Variants in LSM14A observed in about 807,000 individuals in gnomAD.
LSM14A encodes protein LSM14 homolog A.
A neutral mutation model predicts 52.4 loss-of-function variants in LSM14A; 14 were observed. That is an observed-to-expected ratio of 0.27 (90% CI 0.18 to 0.42). The LOEUF (loss-of-function observed/expected upper bound fraction) is 0.42, where lower values mean the gene tolerates loss of function less well. LSM14A is among the 10% of genes least tolerant of loss of function. The pLI, the probability that LSM14A is intolerant of heterozygous loss-of-function variation, is 1.00. For missense variants in LSM14A, 417 were observed against 581.8 expected, an observed-to-expected ratio of 0.72 and a Z score of 2.91; for synonymous variants, 185 against 200.3, an observed-to-expected ratio of 0.92 and a Z score of 0.64.
intron 1 of LSM14A, among the ~76,000 whole-genome samples, chr19:34,188,879 T>C (rs1265816933): frequency 2.6e-5 from 4 of 151,682 alleles, no homozygotes; most frequent in Admixed American, 2.6e-4. Context: ...ATTTGTCTTT[T>C]GTTGATGGGC....
chr19:34,223,897 T>A (rs2073198510), intron 9 of LSM14A, among the ~76,000 whole-genome samples: 1 of 152,206 alleles, frequency 6.6e-6, no homozygotes, highest in African/African-American at 2.4e-5. Flanking sequence ...CTTTTAAAGA[T>A]CATTAAACTT....
chr19:34,202,340 A>T (rs2071359307), intron 3 of LSM14A, among the ~76,000 whole-genome samples: 1 of 151,496 alleles, frequency 6.6e-6, no homozygotes, highest in African/African-American at 2.4e-5. Context: ...CAAAAAAAAA[A>T]AAATTAGGCA....
chr19:34,195,951 A>T (rs1214695997), intron 2 of LSM14A, among the ~76,000 whole-genome samples: 1 of 152,234 alleles, frequency 6.6e-6, no homozygotes, highest in African/African-American at 2.4e-5. Flanking sequence ...CATGTGCTTA[A>T]CACTAGTGGT....
rs1285350630 is a variant in LSM14A, at chr19:34,172,596, T to C, written c.-47T>C. On this transcript the variant is annotated 5_prime_UTR_variant, in exon 1 of 10. Coordinates refer to ENST00000544216, the MANE Select transcript of LSM14A (RefSeq NM_015578.4). ...GCGTGCGGAGCGGGCGACAGTGGCG[T>C]GGGATCTGCCTCTCTGCGAGCAGCT... 1 of 1,513,928 alleles carries C rather than the reference T, an allele frequency of 6.6e-7. No homozygotes were observed. Among genetic ancestry groups the C allele is most frequent in the Non-Finnish European group, 8.8e-7 (1 of 1,132,638 alleles). The allele number at this position is 1,513,928 out of a possible 1,614,324, so 93.8% of individuals were successfully genotyped here.
At chr19:34,215,552 T>C in intron 5 of LSM14A, 44 bp from the exon 6 acceptor site, 1 of 1,474,154 alleles carries the variant, frequency 6.8e-7, no homozygotes, top group Non-Finnish European at 9.5e-7. Flanking sequence ...TTTTTGATGA[T>C]GTACCCTGAG....
rs779077387 is a variant in LSM14A, at chr19:34,219,808, C to T, written c.1067C>T (p.Pro356Leu). 2 of 1,613,478 alleles carry T rather than the reference C, an allele frequency of 1.2e-6. No homozygotes were observed. Among genetic ancestry groups the T allele is most frequent in the South Asian group, 1.1e-5 (1 of 91,074 alleles). Reference sequence around the variant, plus strand: ...GAAGGAAATGCCGATGAAGAAGATCCACTTGGACCTAATTGCTATTATGAC... The same window carrying T: ...GAAGGAAATGCCGATGAAGAAGATCTACTTGGACCTAATTGCTATTATGAC... ...NSEGNADEED[P>L]LGPNCYYDKT... The change falls in exon 8 of 10, where the codon CCA (proline) becomes CTA (leucine). Residue 356 changes from proline to leucine, a missense_variant. Around this residue, in one of 2 missense-constraint regions of LSM14A, gnomAD observed 357 missense variants for 457.0 expected, o/e 0.78. Coordinates refer to ENST00000544216, the MANE Select transcript of LSM14A (RefSeq NM_015578.4).
intron 3 of LSM14A, among the ~76,000 whole-genome samples, chr19:34,207,269 AAC>A (rs1199397868): frequency 1.9e-4 from 29 of 152,198 alleles, no homozygotes; most frequent in African/African-American, 5.8e-4. Flanking sequence ...CAGGTGAGGA[AAC>A]ACAGAGCAGC....
intron 1 of LSM14A, among the ~76,000 whole-genome samples, chr19:34,173,369 T>A (rs1386286541): frequency 6.6e-6 from 1 of 152,188 alleles, no homozygotes; most frequent in East Asian, 1.9e-4. Flanking sequence ...AAGCCTGTTG[T>A]GCAACCACCT....
At chr19:34,218,082 C>T (rs961026335) in intron 6 of LSM14A, among the ~76,000 whole-genome samples, 2 of 150,312 alleles carry the variant, frequency 1.3e-5, no homozygotes, top group Non-Finnish European at 2.9e-5. Context: ...CTGCTCACTG[C>T]AGCCTTTGCC....
chr19:34,206,580 C>T (rs1422189557), intron 3 of LSM14A, among the ~76,000 whole-genome samples: 2 of 151,920 alleles, frequency 1.3e-5, no homozygotes, highest in Admixed American at 1.3e-4. Flanking sequence ...GAGGCTGAGG[C>T]AGGAGAATCG....
chr19:34,189,894 A>T (rs1454560371), intron 1 of LSM14A, among the ~76,000 whole-genome samples: 1 of 152,220 alleles, frequency 6.6e-6, no homozygotes, highest in Non-Finnish European at 1.5e-5. Context: ...AAAAACAGTA[A>T]AGGTGACCAG....
chr19:34,194,752 G>A (rs992468820), intron 2 of LSM14A, 111 bp downstream of exon 2: 2 of 956,284 alleles, frequency 2.1e-6, no homozygotes, highest in Non-Finnish European at 3.3e-6. Context: ...CCAAGTTACT[G>A]GGATACCTGA....
At chr19:34,198,195 T>C (rs894686608) in intron 3 of LSM14A, among the ~76,000 whole-genome samples, 6 of 152,208 alleles carry the variant, frequency 3.9e-5, no homozygotes, top group East Asian at 1.9e-4. Flanking sequence ...CTCATTGATA[T>C]GCTAATAAGT....
rs557161859 is a variant in LSM14A at position 34,204,987 on chromosome 19, T to C, written c.416-3942T>C. ...TCTCTATTAAAAATACAAAAATTACTCAGGCGTCTTGGCATGCGCCTGTAG... is the reference window on the plus strand; with the variant it reads ...TCTCTATTAAAAATACAAAAATTACCCAGGCGTCTTGGCATGCGCCTGTAG... On this transcript the variant is annotated intron_variant, in intron 3 of 9. Coordinates refer to ENST00000544216, the MANE Select transcript of LSM14A (RefSeq NM_015578.4). Among the ~76,000 whole-genome samples the C allele has an allele frequency of 1.8e-3, 275 of 151,666 alleles. 6 individuals are homozygous for C. Among genetic ancestry groups the C allele is most frequent in the Non-Finnish European group, 2.0e-3 (135 of 67,904 alleles).
At chr19:34,202,470 G>A (rs1462716782) in intron 3 of LSM14A, among the ~76,000 whole-genome samples, 1 of 145,582 alleles carries the variant, frequency 6.9e-6, no homozygotes, top group African/African-American at 2.6e-5. Context: ...TCCAGCTTGG[G>A]AAACAGAGCC....
At chr19:34,219,133 G>C (rs961174670) in intron 6 of LSM14A, among the ~76,000 whole-genome samples, 1 of 152,192 alleles carries the variant, frequency 6.6e-6, no homozygotes, top group African/African-American at 2.4e-5. Context: ...TACTCTGTCA[G>C]TAACACATGT....
Position 34,194,572 on chromosome 19 carries a change from T to G in LSM14A, c.216T>G (p.Ile72Met), listed in dbSNP as rs761107923. 11 of 1,614,146 alleles carry G rather than the reference T, an allele frequency of 6.8e-6. No individual in the cohort carries two copies. The highest frequency in any genetic ancestry group is 1.1e-5 in the South Asian group (1 of 91,080). Residue 72 changes from isoleucine (I) to methionine (M), a missense_variant, in exon 2 of 10, where the codon ATT becomes ATG. This residue lies in a region of LSM14A where 60 missense variants were observed against 124.8 expected (regional missense o/e 0.48). Transcript: ENST00000544216. Reference sequence around the variant, plus strand: ...ACATTATATTCCGTGGGAGTGACATTAAAGACCTTACTGTTTGTGAGCCAC... The same window carrying G: ...ACATTATATTCCGTGGGAGTGACATGAAAGACCTTACTGTTTGTGAGCCAC... The part of the protein sequence containing the change: ...FEYIIFRGSD[I>M]KDLTVCEPPK...
chr19:34,189,343 A>G (rs1263229024), intron 1 of LSM14A, among the ~76,000 whole-genome samples: 1 of 152,194 alleles, frequency 6.6e-6, no homozygotes, highest in African/African-American at 2.4e-5. Context: ...TGGACCTTCA[A>G]ATCCAATTCA....
intron 8 of LSM14A, 29 bp from the exon 9 acceptor site, chr19:34,221,478 A>G (rs1478500056): frequency 1.9e-6 from 3 of 1,600,506 alleles, no homozygotes; most frequent in South Asian, 2.2e-5. Flanking sequence ...TAAACCTGAT[A>G]TGCTGAAGAT....
Sources: allele counts gnomAD v4.1 joint callset (sites outside exome capture counted in the v4.1 genomes callset), GRCh38; gene constraint gnomAD v4.1.1; regional missense constraint gnomAD v4.1.1; transcripts MANE v1.5; gene names NCBI Gene and HGNC (gene_info 2026-07-23, HGNC 2026-07-21).